The following UNC79 variants were observed in gnomAD, a reference collection of about 807,000 sequenced individuals.
UNC79 encodes protein unc-79 homolog.
In UNC79, 37 loss-of-function variants were observed where a neutral mutation model predicts 283.1. That is an observed-to-expected ratio of 0.13 (90% CI 0.10 to 0.17). UNC79 has a LOEUF of 0.17. UNC79 is among the 10% of genes least tolerant of loss of function. The pLI, the probability that UNC79 is intolerant of heterozygous loss-of-function variation, is 1.00. For synonymous variants in UNC79, 1,107 were observed against 1,200.2 expected (o/e 0.92, Z 1.61); for missense variants, 2,272 against 3,211.1 (o/e 0.71, Z 7.07).
At chr14:93,356,784 G>A (rs528124823) in intron 1 of UNC79, among the ~76,000 whole-genome samples, 10 of 152,140 alleles carry the variant, frequency 6.6e-5, no homozygotes, top group Non-Finnish European at 1.3e-4. Context: ...TATGGTTAAA[G>A]CAAATGAATA....
At chr14:93,336,906 T>C (rs951224295) in intron 1 of UNC79, among the ~76,000 whole-genome samples, 5 of 152,160 alleles carry the variant, frequency 3.3e-5, no homozygotes, top group African/African-American at 9.7e-5. Context: ...TGGGAGGTGT[T>C]TGGATCATGA....
At chr14:93,406,907 G>T (rs1371031254) in intron 1 of UNC79, among the ~76,000 whole-genome samples, 4 of 152,116 alleles carry the variant, frequency 2.6e-5, no homozygotes, top group Non-Finnish European at 5.9e-5. Flanking sequence ...TTCTAGTTCT[G>T]GAGGCTAGAA....
At chr14:93,520,120 G>A (rs2140954494) in intron 7 of UNC79, among the ~76,000 whole-genome samples, 1 of 151,892 alleles carries the variant, frequency 6.6e-6, no homozygotes, top group Admixed American at 6.6e-5. Context: ...TTTTGTGTTT[G>A]TCTTCAAATA....
At position 93,422,121 on chromosome 14, in the gene UNC79, T is replaced by C. The variant is rs10143316; in HGVS notation, c.-350-45550T>C. 1.7e-3 allele frequency among the ~76,000 whole-genome samples: 252 copies of C among 151,946 alleles called. 1 individual carries two copies. The highest frequency in any genetic ancestry group is 5.7e-3 in the African/African-American group (237 of 41,544). ...TGATGATATGGGCCCAAGGTAGTTATGGTATGGCCTGCTTTTATACCTTTT... is the reference window on the plus strand; with the variant it reads ...TGATGATATGGGCCCAAGGTAGTTACGGTATGGCCTGCTTTTATACCTTTT... On this transcript the variant is annotated intron_variant, in intron 1 of 49. Transcript: ENST00000256339.
At chr14:93,494,713 G>GA (rs1353363714) in intron 5 of UNC79, among the ~76,000 whole-genome samples, 1 of 152,156 alleles carries the variant, frequency 6.6e-6, no homozygotes, top group Non-Finnish European at 1.5e-5. Flanking sequence ...TAGGCCTTCA[G>GA]AAACTTCAAC....
At chr14:93,509,223 A>C (rs1271637364) in intron 7 of UNC79, among the ~76,000 whole-genome samples, 2 of 152,122 alleles carry the variant, frequency 1.3e-5, no homozygotes, top group African/African-American at 4.8e-5. Context: ...ACCCCTCACC[A>C]GGCCCCTCCT....
intron 26 of UNC79, among the ~76,000 whole-genome samples, chr14:93,608,338 A>G (rs964275042): frequency 6.6e-6 from 1 of 152,190 alleles, no homozygotes; most frequent in African/African-American, 2.4e-5. Context: ...GTCAAATGCA[A>G]AGGGAGGGGA....
At chr14:93,647,075 T>C (rs1455017333) in intron 35 of UNC79, among the ~76,000 whole-genome samples, 2 of 152,260 alleles carry the variant, frequency 1.3e-5, no homozygotes, top group Non-Finnish European at 2.9e-5. Flanking sequence ...ATGGGGCTTA[T>C]AGTCTATCCA....
chr14:93,384,895 C>A (rs1056606345), intron 1 of UNC79, among the ~76,000 whole-genome samples: 1 of 152,180 alleles, frequency 6.6e-6, no homozygotes, highest in Admixed American at 6.5e-5. Context: ...CATTCTCTTG[C>A]ATGTGGATAT....
At chr14:93,444,698 TAGTC>T in intron 1 of UNC79, among the ~76,000 whole-genome samples, 1 of 152,306 alleles carries the variant, frequency 6.6e-6, no homozygotes, top group African/African-American at 2.4e-5. Flanking sequence ...CCTTTGTTGA[TAGTC>T]AATCACTCAT....
At chr14:93,583,837 G>A (rs1334367133) in intron 20 of UNC79, among the ~76,000 whole-genome samples, 1 of 138,978 alleles carries the variant, frequency 7.2e-6, no homozygotes, top group East Asian at 2.1e-4. Context: ...TAAGGGTCCT[G>A]CTCTGTCATC....
At chr14:93,340,563 A>C (rs1408431716) in intron 1 of UNC79, among the ~76,000 whole-genome samples, 1 of 149,172 alleles carries the variant, frequency 6.7e-6, no homozygotes, top group Non-Finnish European at 1.5e-5. Context: ...TTCACTATGT[A>C]GGAGAAACTT....
At chr14:93,603,131 A>T in intron 25 of UNC79, 108 bp from the exon 26 acceptor site, 17 of 1,298,576 alleles carry the variant, frequency 1.3e-5, no homozygotes, top group Non-Finnish European at 1.8e-5. Flanking sequence ...ATCCATGAAA[A>T]ATGTATTTTA....
intron 1 of UNC79, among the ~76,000 whole-genome samples, chr14:93,355,106 T>A (rs1003792206): frequency 6.6e-6 from 1 of 151,166 alleles, no homozygotes; most frequent in Non-Finnish European, 1.5e-5. Context: ...CTTGACTCAC[T>A]GCAACCTCCT....
At chr14:93,599,168 C>G (rs1328362207) in intron 24 of UNC79, among the ~76,000 whole-genome samples, 2 of 152,160 alleles carry the variant, frequency 1.3e-5, no homozygotes, top group Non-Finnish European at 2.9e-5. Flanking sequence ...GTTTCCAGGG[C>G]AGTGTGTTAA....
chr14:93,361,283 T>A (rs1482461091), intron 1 of UNC79, among the ~76,000 whole-genome samples: 2 of 146,402 alleles, frequency 1.4e-5, no homozygotes, highest in African/African-American at 5.1e-5. Flanking sequence ...CTAGCAGGCC[T>A]GTTTGGATTT....
chr14:93,603,193 C>A (rs777062120), intron 25 of UNC79, 46 bp from the exon 26 acceptor site: 13 of 1,592,060 alleles, frequency 8.2e-6, no homozygotes, highest in Non-Finnish European at 1.0e-5. Context: ...GATTACAAAG[C>A]CCTGTGTAAA....
intron 25 of UNC79, among the ~76,000 whole-genome samples, chr14:93,602,067 C>T (rs989482530): frequency 9.9e-5 from 15 of 152,064 alleles, no homozygotes; most frequent in Admixed American, 3.9e-4. Context: ...GTTTACTCTG[C>T]GGATTATTTT....
rs2055407032 is a variant in UNC79, at chr14:93,414,437, G to A, written c.-350-53234G>A. 1.3e-5 allele frequency among the ~76,000 whole-genome samples: 2 copies of A among 152,154 alleles called. 1 individual carries two copies. Among genetic ancestry groups the A allele is most frequent in the East Asian group, 3.8e-4 (2 of 5,200 alleles). On this transcript the variant is annotated intron_variant, in intron 1 of 49. Transcript: ENST00000256339. ...CTGTTTTGGTTACTGTAGCCTTGTA[G>A]TATAGTTTGAAGTCAGGTAGCATGA...
Sources: gnomAD v4.1 joint callset for allele counts (sites outside exome capture counted in the v4.1 genomes callset) on GRCh38, gnomAD v4.1.1 for gene constraint, MANE v1.5 for transcripts, NCBI Gene and HGNC (gene_info 2026-07-23, HGNC 2026-07-21) for gene names.